RASAL2: variants seen among roughly 807,000 people sequenced by gnomAD.
RASAL2 encodes the protein ras GTPase-activating protein nGAP.
A neutral mutation model predicts 128.9 loss-of-function variants in RASAL2; 58 were observed. That is an observed-to-expected ratio of 0.45 (90% CI 0.36 to 0.56). RASAL2 has a LOEUF of 0.56. RASAL2 is among the 20% of genes least tolerant of loss of function. RASAL2 has a pLI of 0.00. For synonymous variants in RASAL2, 561 were observed against 580.8 expected (o/e 0.97, Z 0.49); for missense variants, 1,360 against 1,601.6 (o/e 0.85, Z 2.57).
chr1:178,285,103 CTTTTTTTT>C (rs58901015), intron 2 of RASAL2, among the ~76,000 whole-genome samples: 1 of 81,936 alleles, frequency 1.2e-5, no homozygotes, highest in Admixed American at 1.3e-4. Flanking sequence ...TTGCTACTTT[CTTTTTTTT>C]TTTTTTTTTT....
chr1:178,288,124 C>T (rs947478744), intron 2 of RASAL2, among the ~76,000 whole-genome samples: 5 of 152,052 alleles, frequency 3.3e-5, no homozygotes, highest in African/African-American at 1.2e-4. Context: ...TGTATATATT[C>T]ATGGAAAGTA....
chr1:178,302,492 A>G (rs1184856499), intron 3 of RASAL2, among the ~76,000 whole-genome samples: 2 of 152,230 alleles, frequency 1.3e-5, no homozygotes, highest in African/African-American at 4.8e-5. Context: ...CATAAAAGAA[A>G]AAAAGATTTA....
Position 178,445,654 on chromosome 1 carries a change from A to T in RASAL2, c.1619A>T (p.Asp540Val). ...LKLVGQQYLH[D>V]ALGEFIKALY... ...TTGGTGGGACAACAGTATCTTCATGACGCACTGGGTATGAAAGAGAAAAAC... is the reference window on the plus strand; with the variant it reads ...TTGGTGGGACAACAGTATCTTCATGTCGCACTGGGTATGAAAGAGAAAAAC... Residue 540 changes from aspartate to valine, a missense_variant, in exon 9 of 18, where the codon GAC becomes GTC. This residue lies in a region of RASAL2 where 617 missense variants were observed against 714.2 expected (regional missense o/e 0.86). Transcript: ENST00000367649. The T allele has an allele frequency of 6.2e-7, 1 of 1,611,716 alleles. No individual in the cohort carries two copies. Among genetic ancestry groups the T allele is most frequent in the African/African-American group, 1.3e-5 (1 of 74,922 alleles).
intron 1 of RASAL2, among the ~76,000 whole-genome samples, chr1:178,197,015 A>G (rs558419323): frequency 6.2e-4 from 95 of 152,294 alleles, no homozygotes; most frequent in Non-Finnish European, 1.1e-3. Flanking sequence ...CCTTGACATT[A>G]CCTATTAAAC....
chr1:178,204,788 G>A (rs1662985388), intron 1 of RASAL2, among the ~76,000 whole-genome samples: 1 of 152,062 alleles, frequency 6.6e-6, no homozygotes, highest in Non-Finnish European at 1.5e-5. Context: ...AAAGTTAAAA[G>A]GTGCATCATT....
At chr1:178,390,625 T>C (rs1184218808) in intron 4 of RASAL2, among the ~76,000 whole-genome samples, 1 of 152,150 alleles carries the variant, frequency 6.6e-6, no homozygotes, top group East Asian at 1.9e-4. Flanking sequence ...GTGATCCCCC[T>C]GCCTCAGCCT....
chr1:178,336,695 A>G (rs1669603293), intron 3 of RASAL2, among the ~76,000 whole-genome samples: 1 of 151,866 alleles, frequency 6.6e-6, no homozygotes, highest in South Asian at 2.1e-4. Flanking sequence ...AAGAAAATGA[A>G]TTTGTTTAAA....
intron 3 of RASAL2, among the ~76,000 whole-genome samples, chr1:178,373,416 T>C (rs140018448): frequency 3.7e-4 from 56 of 152,014 alleles, no homozygotes; most frequent in African/African-American, 1.2e-3. Flanking sequence ...AAGAAATATG[T>C]ATACCTCTTA....
intron 1 of RASAL2, among the ~76,000 whole-genome samples, chr1:178,258,349 A>G (rs1665487399): frequency 6.6e-6 from 1 of 152,152 alleles, no homozygotes; most frequent in Non-Finnish European, 1.5e-5. Flanking sequence ...AATGGAAGAA[A>G]AAATTTGCAA....
intron 3 of RASAL2, among the ~76,000 whole-genome samples, chr1:178,346,723 A>G (rs1043986676): frequency 2.6e-5 from 4 of 152,172 alleles, no homozygotes; most frequent in Non-Finnish European, 4.4e-5. Flanking sequence ...ACACCTTACC[A>G]TTCTCTTCTC....
At chr1:178,394,967 G>C (rs965912820) in intron 4 of RASAL2, among the ~76,000 whole-genome samples, 2 of 152,098 alleles carry the variant, frequency 1.3e-5, no homozygotes, top group Non-Finnish European at 2.9e-5. Context: ...CTTAAGTATC[G>C]AGATTATCAG....
rs769236542 is a variant in RASAL2 at position 178,457,910 on chromosome 1, G to A, written c.2618G>A (p.Arg873His). The change falls in exon 14 of 18, where the codon CGC becomes CAC. Residue 873 changes from arginine to histidine, a missense_variant. Physicochemically the swap from Arg to His is conservative, Grantham distance 29. Transcript: ENST00000367649. ...TCTGTCATGCTTGATGTGCCTATAC[G>A]CTTGACCGGAAGCCAGCTTTCCATA... ...HASVMLDVPIRLTGSQLSITQ... is the reference protein window; with the variant it reads ...HASVMLDVPIHLTGSQLSITQ... 8.7e-6 allele frequency: 14 copies of A among 1,614,000 alleles called. No homozygotes were observed. The highest frequency in any genetic ancestry group is 2.7e-5 in the African/African-American group (2 of 74,896).
intron 1 of RASAL2, among the ~76,000 whole-genome samples, chr1:178,139,729 T>A (rs148515918): frequency 2.6e-3 from 400 of 152,102 alleles, no homozygotes; most frequent in Middle Eastern, 0.014. Context: ...GTTTTTTTTT[T>A]AACGTGGATT....
intron 3 of RASAL2, among the ~76,000 whole-genome samples, chr1:178,378,835 A>G (rs1394911143): frequency 3.3e-5 from 5 of 151,016 alleles, no homozygotes; most frequent in Admixed American, 6.6e-5. Flanking sequence ...CTACAAATCA[A>G]TGAGCTAAGC....
chr1:178,160,789 C>A (rs556793143), intron 1 of RASAL2, among the ~76,000 whole-genome samples: 1 of 152,270 alleles, frequency 6.6e-6, no homozygotes, highest in East Asian at 1.9e-4. Flanking sequence ...TCAATAATGT[C>A]CAGGATTGGT....
intron 4 of RASAL2, among the ~76,000 whole-genome samples, chr1:178,395,638 G>A (rs1673165194): frequency 1.3e-5 from 2 of 151,912 alleles, no homozygotes; most frequent in Middle Eastern, 3.4e-3. Flanking sequence ...ATTCCAAGAG[G>A]ATACTTAAAA....
chr1:178,315,304 C>T (rs1337463468), intron 3 of RASAL2, among the ~76,000 whole-genome samples: 18 of 144,810 alleles, frequency 1.2e-4, no homozygotes, highest in Non-Finnish European at 5.9e-5. Flanking sequence ...GGTATATACC[C>T]AGTAATGGGA....
chr1:178,362,895 G>C (rs991565417), intron 3 of RASAL2, among the ~76,000 whole-genome samples: 3 of 151,768 alleles, frequency 2.0e-5, no homozygotes, highest in African/African-American at 7.3e-5. Context: ...CCACATCATA[G>C]TTTCTTTATT....
intron 1 of RASAL2, among the ~76,000 whole-genome samples, chr1:178,248,648 T>TGCACAAAA (rs1209069094): frequency 1.8e-4 from 27 of 152,348 alleles, no homozygotes; most frequent in African/African-American, 6.5e-4. Context: ...TGCTGTTCTT[T>TGCACAAAA]ATATTTTGTT....
Sources: gnomAD v4.1 joint callset for allele counts (sites outside exome capture counted in the v4.1 genomes callset) on GRCh38, gnomAD v4.1.1 for gene constraint, gnomAD v4.1.1 regional missense constraint, MANE v1.5 for transcripts, NCBI Gene and HGNC (gene_info 2026-07-23, HGNC 2026-07-21) for gene names.